Variants in SFMBT2 observed in about 807,000 individuals in gnomAD.
SFMBT2 encodes scm-like with four MBT domains protein 2.
In SFMBT2, 38 loss-of-function variants were observed where a neutral mutation model predicts 110.1. The ratio of observed to expected loss-of-function variants is 0.35; its 90% CI spans 0.27 to 0.45. The LOEUF is 0.45. Among genes scored for constraint, SFMBT2 ranks in the 20% least tolerant of loss-of-function variants. The probability of loss-of-function intolerance (pLI) is 1.00; values close to 1 mark genes in which losing one functional copy is unlikely to be tolerated. For synonymous variants in SFMBT2, 425 were observed against 425.4 expected (o/e 1.00, Z 0.01); for missense variants, 1,011 against 1,094.9 (o/e 0.92, Z 1.08).
intron 7 of SFMBT2, among the ~76,000 whole-genome samples, chr10:7,257,055 G>A (rs1230725740): frequency 6.9e-6 from 1 of 144,322 alleles, no homozygotes. Flanking sequence ...TCACGCCACT[G>A]CACTCCAGCC....
At position 7,200,481 on chromosome 10, in the gene SFMBT2, C is replaced by T. The variant is rs1190157218; in HGVS notation, c.1491G>A (p.Leu497=). The T allele has an allele frequency of 2.5e-6, 4 of 1,598,672 alleles. No individual in the cohort carries two copies. The highest frequency in any genetic ancestry group is 3.4e-6 in the Non-Finnish European group (4 of 1,172,140). ...TTTTCTTAACAGGCACTGTGGGCGG[C>T]AATCTGTCAACAGAGAAAATAAAAC... ...KIAVVQPEKQ[L]PPTVPVKKIP... is the part of the protein sequence containing the mutation. Residue 497 remains leucine (L), a synonymous_variant, in exon 14 of 21, where the codon TTG becomes TTA. Coordinates refer to ENST00000397167, the MANE Select transcript of SFMBT2 (RefSeq NM_001387889.1).
chr10:7,349,210 T>G (rs1844220666), intron 4 of SFMBT2, among the ~76,000 whole-genome samples: 1 of 152,088 alleles, frequency 6.6e-6, no homozygotes, highest in Admixed American at 6.6e-5. Flanking sequence ...CCGGCATCAA[T>G]CAAACCTGTT....
chr10:7,259,468 T>C (rs1299025972), intron 7 of SFMBT2, among the ~76,000 whole-genome samples: 1 of 152,224 alleles, frequency 6.6e-6, no homozygotes, highest in Non-Finnish European at 1.5e-5. Context: ...AGAATCTTTG[T>C]TGGGGGGCTG....
At chr10:7,368,535 C>A (rs1404408715) in intron 3 of SFMBT2, among the ~76,000 whole-genome samples, 1 of 152,194 alleles carries the variant, frequency 6.6e-6, no homozygotes, top group African/African-American at 2.4e-5. Context: ...TTCCTTTAAA[C>A]CTGGCATACG....
chr10:7,373,727 A>G (rs1306764665), intron 2 of SFMBT2, among the ~76,000 whole-genome samples: 1 of 152,178 alleles, frequency 6.6e-6, no homozygotes, highest in East Asian at 1.9e-4. Flanking sequence ...AACAGTCTAC[A>G]GCCAAAAAAG....
chr10:7,335,683 C>G (rs149021382), intron 4 of SFMBT2, among the ~76,000 whole-genome samples: 1 of 151,984 alleles, frequency 6.6e-6, no homozygotes, highest in South Asian at 2.1e-4. Context: ...CCATCCTGCT[C>G]TGTTGTATAG....
intron 16 of SFMBT2, among the ~76,000 whole-genome samples, chr10:7,183,370 C>A (rs1241250033): frequency 6.6e-6 from 1 of 152,108 alleles, no homozygotes; most frequent in Non-Finnish European, 1.5e-5. Flanking sequence ...GCAGTGCTCT[C>A]GGAAGCACAC....
chr10:7,282,042 C>T (rs776267794), intron 6 of SFMBT2, among the ~76,000 whole-genome samples: 3 of 152,032 alleles, frequency 2.0e-5, no homozygotes, highest in Non-Finnish European at 4.4e-5. Context: ...GACAGGGTTT[C>T]ACCATATTGC....
intron 7 of SFMBT2, among the ~76,000 whole-genome samples, chr10:7,251,233 T>C (rs1026295283): frequency 1.3e-5 from 2 of 150,786 alleles, no homozygotes; most frequent in East Asian, 1.9e-4. Flanking sequence ...CCCAGCACTT[T>C]GGGAGGCTGA....
intron 7 of SFMBT2, among the ~76,000 whole-genome samples, chr10:7,261,194 C>T (rs1453500238): frequency 6.6e-6 from 1 of 152,234 alleles, no homozygotes; most frequent in Non-Finnish European, 1.5e-5. Flanking sequence ...ACTAGAAACG[C>T]TCACCAATTC....
At chr10:7,218,526 CTT>C (rs1176921620) in intron 11 of SFMBT2, among the ~76,000 whole-genome samples, 1 of 152,168 alleles carries the variant, frequency 6.6e-6, no homozygotes, top group African/African-American at 2.4e-5. Flanking sequence ...TTTACAAACA[CTT>C]TTTAGAACAA....
intron 4 of SFMBT2, among the ~76,000 whole-genome samples, chr10:7,358,081 A>C (rs1334651651): frequency 6.6e-6 from 1 of 151,924 alleles, no homozygotes; most frequent in Non-Finnish European, 1.5e-5. Context: ...TGGGCCTAGA[A>C]CATCTGCATG....
At chr10:7,177,106 T>C (rs1588768397) in intron 16 of SFMBT2, among the ~76,000 whole-genome samples, 1 of 152,128 alleles carries the variant, frequency 6.6e-6, no homozygotes, top group Non-Finnish European at 1.5e-5. Flanking sequence ...ATGGCTTCGG[T>C]TGCTTTCTCC....
chr10:7,232,871 C>G (rs1840145682), intron 9 of SFMBT2, among the ~76,000 whole-genome samples: 1 of 152,084 alleles, frequency 6.6e-6, no homozygotes, highest in Non-Finnish European at 1.5e-5. Flanking sequence ...TGAAATACAC[C>G]ATGACTGCCT....
intron 11 of SFMBT2, chr10:7,215,832 G>A: frequency 1.6e-5 from 10 of 632,878 alleles, no homozygotes; most frequent in Non-Finnish European, 2.0e-5. Flanking sequence ...GAACACAGTA[G>A]ACAAACTCGC....
rs763042190 is a variant in SFMBT2 at position 7,172,477 on chromosome 10, G to A, written c.2151+18C>T. ...ATGACAGAGCTACAGGCTGGCAGGT[G>A]CCCCGGGCAGAACATACCTCCCCCG... On this transcript the variant is annotated intron_variant, in intron 18 of 20. Transcript: ENST00000397167. The surrounding 1 kb of genome is among the most constrained non-coding windows in gnomAD (Gnocchi z 4.6). 6.2e-7 allele frequency: 1 copy of A among 1,613,024 alleles called. No individual in the cohort carries two copies. The highest frequency in any genetic ancestry group is 8.5e-7 in the Non-Finnish European group (1 of 1,180,008).
At chr10:7,314,838 G>T (rs1842940368) in intron 4 of SFMBT2, among the ~76,000 whole-genome samples, 1 of 151,774 alleles carries the variant, frequency 6.6e-6, no homozygotes, top group South Asian at 2.1e-4. Context: ...AACTCAAGAG[G>T]CAGAGGTTGC....
chr10:7,196,581 C>A (rs1453710036), intron 15 of SFMBT2, among the ~76,000 whole-genome samples: 1 of 152,270 alleles, frequency 6.6e-6, no homozygotes, highest in East Asian at 1.9e-4. Flanking sequence ...GAAACCCCAA[C>A]AGGCAGAAGG....
chr10:7,192,444 GCTTGGGGCAGCCGA>G (rs1838629255), intron 15 of SFMBT2, among the ~76,000 whole-genome samples: 1 of 152,222 alleles, frequency 6.6e-6, no homozygotes, highest in South Asian at 2.1e-4. Flanking sequence ...ACTGAAGGCT[GCTTGGGGCAGCCGA>G]CTTTCAGGAT....
Sources: allele counts gnomAD v4.1 joint callset (sites outside exome capture counted in the v4.1 genomes callset), GRCh38; gene constraint gnomAD v4.1.1; non-coding constraint Gnocchi (gnomAD v3.1); transcripts MANE v1.5; gene names NCBI Gene and HGNC (gene_info 2026-07-23, HGNC 2026-07-21).